Variants in RRAS2 observed in about 807,000 individuals in gnomAD.
The protein encoded by RRAS2 is ras-related protein R-Ras2.
In RRAS2, 7 loss-of-function variants were observed where a neutral mutation model predicts 27.6. The observed-to-expected ratio is 0.25, with a 90% confidence interval of 0.14 to 0.48. RRAS2 has a LOEUF of 0.48. Ranked by LOEUF, RRAS2 falls within the 20% of genes least tolerant of loss-of-function variation. The pLI is 0.99. For synonymous variants in RRAS2, 86 were observed against 90.9 expected (o/e 0.95, Z 0.31); for missense variants, 178 against 256.2 (o/e 0.69, Z 2.08).
At chr11:14,359,647 G>A (rs948975067), upstream of RRAS2, among the ~76,000 whole-genome samples, 3 of 152,222 alleles carry the variant, frequency 2.0e-5, no homozygotes, top group Non-Finnish European at 4.4e-5. Context: ...CAGTGGCTGA[G>A]CATGGAGAAT....
chr11:14,320,450 G>A (rs1848199084), intron 1 of RRAS2, among the ~76,000 whole-genome samples: 1 of 152,152 alleles, frequency 6.6e-6, no homozygotes, highest in Non-Finnish European at 1.5e-5. Flanking sequence ...AATTTTAATG[G>A]ATGTCTTAAT....
chr11:14,329,121 T>A (rs188691477), intron 1 of RRAS2, among the ~76,000 whole-genome samples: 3,747 of 150,518 alleles, frequency 0.025, 63 homozygotes, highest in Non-Finnish European at 0.038. Context: ...ATATATATAT[T>A]TTTTTTGAGA....
intron 4 of RRAS2, among the ~76,000 whole-genome samples, chr11:14,289,090 A>G (rs910621300): frequency 5.3e-5 from 8 of 152,168 alleles, no homozygotes; most frequent in African/African-American, 1.9e-4. Context: ...TAAGGCACAG[A>G]TAACGCCACA....
At chr11:14,300,206 C>T (rs782160555) in intron 1 of RRAS2, among the ~76,000 whole-genome samples, 3 of 152,096 alleles carry the variant, frequency 2.0e-5, no homozygotes, top group Non-Finnish European at 2.9e-5. Flanking sequence ...AGGATGTGTG[C>T]AGAAGAATCC....
At chr11:14,296,972 T>A (rs145768135) in intron 1 of RRAS2, among the ~76,000 whole-genome samples, 16 of 152,262 alleles carry the variant, frequency 1.1e-4, no homozygotes, top group Middle Eastern at 6.8e-3. Context: ...AAGGCTGCAG[T>A]GAGCCATGAT....
intron 4 of RRAS2, among the ~76,000 whole-genome samples, chr11:14,289,682 A>C (rs1245154753): frequency 6.6e-6 from 1 of 152,174 alleles, no homozygotes; most frequent in Non-Finnish European, 1.5e-5. Context: ...CACTGCCTAG[A>C]AAAGGTGTTC....
At chr11:14,301,920 T>C (rs1375257408) in intron 1 of RRAS2, among the ~76,000 whole-genome samples, 2 of 151,968 alleles carry the variant, frequency 1.3e-5, no homozygotes, top group African/African-American at 4.8e-5. Context: ...GTGGCAGAGG[T>C]TGCAGTAAGC....
chr11:14,346,097 CA>C (rs530330742), intron 1 of RRAS2, among the ~76,000 whole-genome samples: 6 of 152,074 alleles, frequency 3.9e-5, no homozygotes, highest in Non-Finnish European at 7.4e-5. Flanking sequence ...ACCGAGAAAT[CA>C]AGGGCACTAA....
chr11:14,301,141 A>C (rs2133970703), intron 1 of RRAS2, among the ~76,000 whole-genome samples: 2 of 152,340 alleles, frequency 1.3e-5, no homozygotes, highest in Non-Finnish European at 2.9e-5. Context: ...GGGAAAAGGA[A>C]AGGAGAGAAC....
intron 1 of RRAS2, among the ~76,000 whole-genome samples, chr11:14,335,562 C>G (rs549873148): frequency 2.5e-4 from 38 of 152,128 alleles, no homozygotes; most frequent in Non-Finnish European, 8.8e-5. Context: ...AAGAAAACAT[C>G]AATTACAACA....
chr11:14,313,318 AAAAG>A (rs1366828547), intron 1 of RRAS2, among the ~76,000 whole-genome samples: 1 of 152,218 alleles, frequency 6.6e-6, no homozygotes, highest in Non-Finnish European at 1.5e-5. Flanking sequence ...AAACCACATG[AAAAG>A]AAAGTAAACA....
chr11:14,336,663 C>CA (rs1848594206), intron 1 of RRAS2, among the ~76,000 whole-genome samples: 1 of 152,138 alleles, frequency 6.6e-6, no homozygotes, highest in South Asian at 2.1e-4. Flanking sequence ...GAATGCACAA[C>CA]AGTAGAAACT....
intron 5 of RRAS2, among the ~76,000 whole-genome samples, chr11:14,280,127 AG>A (rs1298360625): frequency 6.6e-6 from 1 of 152,164 alleles, no homozygotes; most frequent in Admixed American, 6.5e-5. Context: ...GGAATGGGAA[AG>A]GGGGGTAAAA....
intron 1 of RRAS2, among the ~76,000 whole-genome samples, chr11:14,314,930 G>A (rs577164975): frequency 2.6e-5 from 4 of 151,962 alleles, no homozygotes; most frequent in Non-Finnish European, 4.4e-5. Flanking sequence ...CAAGTGATCC[G>A]CCCGCCTCAG....
intron 1 of RRAS2, among the ~76,000 whole-genome samples, chr11:14,355,457 T>A (rs1357460595): frequency 6.6e-6 from 1 of 152,240 alleles, no homozygotes; most frequent in African/African-American, 2.4e-5. Flanking sequence ...GGAGGTAATG[T>A]ACACACACAT....
intron 4 of RRAS2, among the ~76,000 whole-genome samples, chr11:14,294,208 T>C (rs540708326): frequency 6.6e-6 from 1 of 152,354 alleles, no homozygotes; most frequent in Admixed American, 6.5e-5. Context: ...GTTTAAACAC[T>C]TGCAGGCTTA....
At chr11:14,341,438 C>T (rs182413324) in intron 1 of RRAS2, among the ~76,000 whole-genome samples, 1 of 152,222 alleles carries the variant, frequency 6.6e-6, no homozygotes. Flanking sequence ...AGATACTGTG[C>T]TTTGGAGAAA....
intron 1 of RRAS2, among the ~76,000 whole-genome samples, chr11:14,318,234 C>T (rs1173367938): frequency 1.3e-5 from 2 of 152,060 alleles, no homozygotes; most frequent in Non-Finnish European, 2.9e-5. Flanking sequence ...CGTGGTGGCT[C>T]ATATCTGTAA....
chr11:14,334,952 T>A (rs1848561753), intron 1 of RRAS2, among the ~76,000 whole-genome samples: 1 of 152,166 alleles, frequency 6.6e-6, no homozygotes, highest in South Asian at 2.1e-4. Flanking sequence ...CCATCAACAT[T>A]TTTCTTGACT....
Sources: allele counts gnomAD v4.1 joint callset (sites outside exome capture counted in the v4.1 genomes callset), GRCh38; gene constraint gnomAD v4.1.1; transcripts MANE v1.5; gene names NCBI Gene and HGNC (gene_info 2026-07-23, HGNC 2026-07-21).